Variants in ANKS1B observed in about 807,000 individuals in gnomAD.
ANKS1B encodes ankyrin repeat and sterile alpha motif domain containing 1B.
Under a neutral mutation model 148.3 loss-of-function variants are expected in ANKS1B, and 36 were observed. The observed-to-expected ratio is 0.24, with a 90% CI of 0.19 to 0.32. ANKS1B has a LOEUF of 0.32. ANKS1B is among the 10% of genes least tolerant of loss of function. The pLI, the probability that ANKS1B is intolerant of heterozygous loss-of-function variation, is 1.00. For synonymous variants in ANKS1B, 542 were observed against 560.8 expected (o/e 0.97, Z 0.47); for missense variants, 1,157 against 1,542.6 (o/e 0.75, Z 4.19).
intron 17 of ANKS1B, among the ~76,000 whole-genome samples, chr12:98,909,643 A>G (rs2099784045): frequency 6.6e-6 from 1 of 152,252 alleles, no homozygotes; most frequent in African/African-American, 2.4e-5. Context: ...AAAGGAGAAC[A>G]GGAGCATAAG....
In ANKS1B at chr12:99,330,386, A is replaced by G. The variant is rs142564374; in HGVS notation, c.1756+69245T>C. ...TCCTAGCCTGAGTGCCAGGAAATGC[A>G]GTTTAGATATGGCCCTGCCATCTTT... On this transcript the variant is annotated intron_variant, in intron 12 of 26. Transcript: ENST00000683438. 1.9e-4 allele frequency among the ~76,000 whole-genome samples: 29 copies of G among 152,068 alleles called. No homozygotes were observed. In the East Asian group the frequency reaches 5.4e-3, roughly 28 times the overall value.
chr12:99,408,897 G>A (rs2094595894), intron 11 of ANKS1B, among the ~76,000 whole-genome samples: 1 of 117,290 alleles, frequency 8.5e-6, no homozygotes, highest in Non-Finnish European at 1.9e-5. Flanking sequence ...GTAAACTGCT[G>A]GTGGGAATGT....
intron 4 of ANKS1B, among the ~76,000 whole-genome samples, chr12:99,791,114 C>A (rs77623153): frequency 6.6e-6 from 1 of 151,810 alleles, no homozygotes; most frequent in African/African-American, 2.4e-5. Context: ...CAAAAAACCA[C>A]AAGAGTAGCT....
In ANKS1B at chr12:99,458,488, G is replaced by A. The variant is rs35089280; in HGVS notation, c.1439-14679C>T. Among the ~76,000 whole-genome samples, 281 of 148,888 alleles carry A rather than the reference G, an allele frequency of 1.9e-3. 1 individual carries two copies. The Middle Eastern group carries it at 0.027, about 15-fold the overall frequency. ...AAACAGAAAGCTGGTTCTTTGAAAAGATAAATAAAATTGATAGACCATTAG... is the reference window on the plus strand; with the variant it reads ...AAACAGAAAGCTGGTTCTTTGAAAAAATAAATAAAATTGATAGACCATTAG... On this transcript the variant is annotated intron_variant, in intron 10 of 26. Transcript: ENST00000683438.
chr12:99,525,699 A>G (rs180836349), intron 9 of ANKS1B, among the ~76,000 whole-genome samples: 6 of 152,310 alleles, frequency 3.9e-5, no homozygotes, highest in African/African-American at 1.4e-4. Context: ...CCTTATATCA[A>G]ATTAATTCCT....
intron 19 of ANKS1B, among the ~76,000 whole-genome samples, chr12:98,823,437 C>T (rs1050903277): frequency 6.6e-6 from 1 of 152,106 alleles, no homozygotes; most frequent in Non-Finnish European, 1.5e-5. Flanking sequence ...GGACATTAAA[C>T]AAAAAATCTG....
At chr12:98,854,084 A>C (rs1444410834) in intron 17 of ANKS1B, among the ~76,000 whole-genome samples, 1 of 152,224 alleles carries the variant, frequency 6.6e-6, no homozygotes, top group East Asian at 1.9e-4. Flanking sequence ...ACAGCCCCAA[A>C]GGAGAAGAAC....
intron 8 of ANKS1B, among the ~76,000 whole-genome samples, chr12:99,712,176 ATAT>A (rs552775346): frequency 4.0e-4 from 61 of 152,314 alleles, no homozygotes; most frequent in African/African-American, 1.4e-3. Flanking sequence ...GGGGAACAAC[ATAT>A]TATTTTTATC....
chr12:98,927,417 C>T lies in ANKS1B; in HGVS notation c.2779-95281G>A, dbSNP rs758107173. ...AATCCACATGAAAAAATAAAGAGTACCAGTACAAGTAACTGCATTTGTAAA... is the reference window on the plus strand; with the variant it reads ...AATCCACATGAAAAAATAAAGAGTATCAGTACAAGTAACTGCATTTGTAAA... On this transcript the variant is annotated intron_variant, in intron 17 of 26. Transcript: ENST00000683438. 7.9e-5 allele frequency among the ~76,000 whole-genome samples: 12 copies of T among 151,888 alleles called. No individual in the cohort carries two copies. In the South Asian group the frequency reaches 8.3e-4, roughly 11 times the overall value.
At chr12:99,583,285 T>C (rs1024924676) in intron 9 of ANKS1B, among the ~76,000 whole-genome samples, 1 of 152,094 alleles carries the variant, frequency 6.6e-6, no homozygotes, top group Non-Finnish European at 1.5e-5. Context: ...AGCTGAGTAA[T>C]GAAAAACCTA....
chr12:98,935,406 C>T (rs2099817644), intron 17 of ANKS1B, among the ~76,000 whole-genome samples: 1 of 152,112 alleles, frequency 6.6e-6, no homozygotes, highest in Non-Finnish European at 1.5e-5. Flanking sequence ...TGCATCTATG[C>T]ATATCAGGGA....
chr12:99,326,203 C>G (rs2086272821), intron 12 of ANKS1B, among the ~76,000 whole-genome samples: 1 of 152,056 alleles, frequency 6.6e-6, no homozygotes, highest in Non-Finnish European at 1.5e-5. Context: ...GACACAAAAC[C>G]TAACCATATC....
At chr12:99,627,480 A>T (rs1180612669) in intron 9 of ANKS1B, among the ~76,000 whole-genome samples, 2 of 152,210 alleles carry the variant, frequency 1.3e-5, no homozygotes, top group African/African-American at 4.8e-5. Context: ...ATGGAGGGCG[A>T]TTCAGAGAAA....
chr12:98,947,333 G>T (rs2099847014), intron 17 of ANKS1B, among the ~76,000 whole-genome samples: 1 of 152,164 alleles, frequency 6.6e-6, no homozygotes, highest in Admixed American at 6.5e-5. Context: ...TGCCAGGCTG[G>T]AGATGCTGCA....
chr12:99,492,141 A>T (rs768230233), intron 10 of ANKS1B, among the ~76,000 whole-genome samples: 10 of 152,142 alleles, frequency 6.6e-5, no homozygotes, highest in Non-Finnish European at 1.3e-4. Flanking sequence ...AAAATTAATA[A>T]GATAGGCCAC....
chr12:99,500,624 C>T (rs564739315), intron 10 of ANKS1B, among the ~76,000 whole-genome samples: 1 of 152,244 alleles, frequency 6.6e-6, no homozygotes, highest in East Asian at 1.9e-4. Context: ...ATAACTGATA[C>T]AGGCATCATC....
intron 9 of ANKS1B, among the ~76,000 whole-genome samples, chr12:99,583,257 G>A (rs1201260214): frequency 6.6e-6 from 1 of 152,100 alleles, no homozygotes; most frequent in East Asian, 1.9e-4. Context: ...CAACACAACT[G>A]ATTATTCTTA....
intron 8 of ANKS1B, among the ~76,000 whole-genome samples, chr12:99,750,282 G>A (rs7485893): frequency 1.3e-5 from 2 of 151,862 alleles, no homozygotes; most frequent in South Asian, 4.1e-4. Flanking sequence ...CAAATGCTTA[G>A]AGGTCACTAT....
chr12:98,953,986 GC>G (rs1300289009), intron 17 of ANKS1B, among the ~76,000 whole-genome samples: 1 of 151,938 alleles, frequency 6.6e-6, no homozygotes, highest in African/African-American at 2.4e-5. Context: ...GAAGTTCTTG[GC>G]CCTTGTTGTC....
Sources: gnomAD v4.1 joint callset for allele counts (sites outside exome capture counted in the v4.1 genomes callset) on GRCh38, gnomAD v4.1.1 for gene constraint, MANE v1.5 for transcripts, NCBI Gene and HGNC (gene_info 2026-07-23, HGNC 2026-07-21) for gene names.